KIAA1671: variants seen among roughly 807,000 people sequenced by gnomAD.
KIAA1671 encodes the protein KIAA1671, also known as uncharacterized protein KIAA1671.
A neutral mutation model predicts 131.2 loss-of-function variants in KIAA1671; 52 were observed. That is an observed-to-expected ratio of 0.40 (90% CI 0.32 to 0.50). The LOEUF (loss-of-function observed/expected upper bound fraction) is 0.50, where lower values mean the gene tolerates loss of function less well. Ranked by LOEUF, KIAA1671 falls within the 20% of genes least tolerant of loss-of-function variation. The pLI, the probability that KIAA1671 is intolerant of heterozygous loss-of-function variation, is 0.73. For missense variants in KIAA1671, 2,360 were observed against 2,364.2 expected (o/e 1.00, Z 0.04); for synonymous variants, 1,003 against 961.6 (o/e 1.04, Z -0.80).
Position 24,952,830 on chromosome 22 carries a change from C to G in KIAA1671, c.-208+58C>G, listed in dbSNP as rs1018233598. On this transcript the variant is annotated intron_variant, in intron 1 of 12. Transcript: ENST00000358431. The surrounding 1 kb of genome is among the most constrained non-coding windows in gnomAD (Gnocchi z 4.5). Reference sequence around the variant, plus strand: ...CCGGCTGGCCGCCTCCTGTCCCCGGCCGACGAGGTAGCTGGGGGTGACGGC... The same window carrying G: ...CCGGCTGGCCGCCTCCTGTCCCCGGGCGACGAGGTAGCTGGGGGTGACGGC... 1 of 152,266 alleles carries G rather than the reference C, an allele frequency of 6.6e-6. No homozygotes were observed. The highest frequency in any genetic ancestry group is 2.4e-5 in the African/African-American group (1 of 41,442). 9.4% of individuals were successfully genotyped at this position (152,266 alleles called of 1,614,324 possible). A position where few individuals can be genotyped will look rare whatever the true frequency, so the allele number is the denominator to read the frequency against.
chr22:24,986,904 C>T (rs1923575244), intron 1 of KIAA1671, among the ~76,000 whole-genome samples: 1 of 151,820 alleles, frequency 6.6e-6, no homozygotes, highest in Admixed American at 6.6e-5. Flanking sequence ...CAGCCTAAAG[C>T]AGGGGTCGGC....
chr22:24,979,486 A>G, intron 1 of KIAA1671, among the ~76,000 whole-genome samples: 1 of 151,110 alleles, frequency 6.6e-6, no homozygotes, highest in South Asian at 2.1e-4. Context: ...AGTAGCTGGG[A>G]CTACAGACAC....
chr22:25,022,739 C>T (rs1478368809), intron 1 of KIAA1671: 26 of 152,312 alleles, frequency 1.7e-4, no homozygotes, highest in African/African-American at 6.3e-4. Flanking sequence ...GCCACAGCCT[C>T]CTGACCTTCC....
intron 1 of KIAA1671, among the ~76,000 whole-genome samples, chr22:24,990,733 A>G (rs1385861807): frequency 6.6e-6 from 1 of 151,956 alleles, no homozygotes; most frequent in Non-Finnish European, 1.5e-5. Flanking sequence ...TGGTGACCCT[A>G]CCTTGCGGGT....
Position 25,193,192 on chromosome 22 carries a change from C to T in KIAA1671, c.*791C>T, listed in dbSNP as rs1352480107. The stretch of plus-strand genomic sequence containing the variant: ...TAATTTGTTCTGAAGTATCCAGTCA[C>T]CTCAGGTTATCTTATCCCTATCCAA... On this transcript the variant is annotated 3_prime_UTR_variant, in exon 13 of 13. Coordinates refer to ENST00000358431, the MANE Select transcript of KIAA1671 (RefSeq NM_001145206.2). The T allele has an allele frequency of 1.3e-5, 2 of 152,158 alleles. No individual in the cohort carries two copies. The highest frequency in any genetic ancestry group is 2.9e-5 in the Non-Finnish European group (2 of 68,046). The allele number at this position is 152,158 out of a possible 1,614,324, so 9.4% of individuals were successfully genotyped here.
rs71191028 is a variant in KIAA1671, at chr22:25,093,768, G to GTCTC, written c.4530+44444_4530+44447dup. On this transcript the variant is annotated intron_variant, in intron 6 of 12. Transcript: ENST00000358431. ...TCTCTCTCTCTCTCTCTCTCTCTCT[G>GTCTC]TCTCTCTCTCTCTCTCTCTCTCTCT... 9.0e-3 allele frequency among the ~76,000 whole-genome samples: 544 copies of GTCTC among 60,718 alleles called. 20 individuals are homozygous for GTCTC. The highest frequency in any genetic ancestry group is 0.029 in the East Asian group (69 of 2,352). 39.8% of individuals were successfully genotyped at this position (60,718 alleles called of 152,430 possible).
At chr22:25,079,233 C>CTT (rs67245632) in intron 6 of KIAA1671, among the ~76,000 whole-genome samples, 6 of 146,762 alleles carry the variant, frequency 4.1e-5, no homozygotes, top group South Asian at 2.2e-4. Context: ...CAGGGACTAA[C>CTT]TTTTTTTTTT....
Position 25,093,824 on chromosome 22 carries a change from T to TCTCTCTCTCTC in KIAA1671, c.4530+44460_4530+44461insCTCTCTCTCTC, listed in dbSNP as rs1555877745. Among the ~76,000 whole-genome samples, 12 of 21,918 alleles carry TCTCTCTCTCTC rather than the reference T, an allele frequency of 5.5e-4. 3 individuals carry two copies. The highest frequency in any genetic ancestry group is 0.019 in the Middle Eastern group (1 of 52). The allele number at this position is 21,918 out of a possible 152,430, so 14.4% of individuals were successfully genotyped here. On this transcript the variant is annotated intron_variant, in intron 6 of 12. Transcript: ENST00000358431. ...TCTCTCTCTCTCTGTCTCTCTCTCT[T>TCTCTCTCTCTC]TCTCTCTCTGTCTGTCTCTCTCTCT...
intron 1 of KIAA1671, among the ~76,000 whole-genome samples, chr22:24,991,960 C>G (rs1428322902): frequency 6.6e-6 from 1 of 152,088 alleles, no homozygotes; most frequent in Non-Finnish European, 1.5e-5. Context: ...GGGCTTTGCT[C>G]TGTCCCCTCC....
intron 6 of KIAA1671, among the ~76,000 whole-genome samples, chr22:25,137,482 C>T (rs368488437): frequency 3.3e-5 from 5 of 152,132 alleles, no homozygotes; most frequent in Non-Finnish European, 5.9e-5. Context: ...TCCCTCAGTT[C>T]GGGAGAATTA....
intron 1 of KIAA1671, among the ~76,000 whole-genome samples, chr22:24,953,372 C>T (rs1204559242): frequency 1.3e-5 from 2 of 152,110 alleles, no homozygotes; most frequent in East Asian, 3.9e-4. Context: ...GCGAGCGAGA[C>T]GGAACCCTGG....
intron 1 of KIAA1671, among the ~76,000 whole-genome samples, chr22:25,021,466 C>CTTT (rs75152681): frequency 7.5e-6 from 1 of 133,628 alleles, no homozygotes; most frequent in African/African-American, 2.9e-5. Flanking sequence ...TTGTCCTTAC[C>CTTT]TTTTTTTTTT....
intron 1 of KIAA1671, among the ~76,000 whole-genome samples, chr22:24,982,509 G>C (rs1486318098): frequency 6.6e-6 from 1 of 152,198 alleles, no homozygotes; most frequent in African/African-American, 2.4e-5. Flanking sequence ...TGCAGAGCTA[G>C]GGAATGAGGG....
intron 6 of KIAA1671, among the ~76,000 whole-genome samples, chr22:25,113,040 G>A (rs1024952262): frequency 1.3e-5 from 2 of 152,192 alleles, no homozygotes; most frequent in African/African-American, 4.8e-5. Context: ...GCAGGCTCGG[G>A]AGGGCTTGGA....
At chr22:25,024,893 G>A (rs1373000946) in intron 1 of KIAA1671, among the ~76,000 whole-genome samples, 3 of 151,900 alleles carry the variant, frequency 2.0e-5, no homozygotes, top group African/African-American at 7.3e-5. Context: ...CCAAGCCTCC[G>A]AGTGTATGTG....
intron 1 of KIAA1671, among the ~76,000 whole-genome samples, chr22:25,015,505 A>G (rs369165867): frequency 6.6e-6 from 1 of 152,202 alleles, no homozygotes; most frequent in Admixed American, 6.5e-5. Context: ...GAGGTTAAGC[A>G]GAGGGGTAAA....
chr22:25,073,701 G>A (rs1206458054), intron 6 of KIAA1671, among the ~76,000 whole-genome samples: 1 of 152,118 alleles, frequency 6.6e-6, no homozygotes, highest in Non-Finnish European at 1.5e-5. Context: ...GCCCCATTCT[G>A]GGTTTGTTTG....
intron 1 of KIAA1671, among the ~76,000 whole-genome samples, chr22:24,962,203 A>G (rs1407243934): frequency 6.6e-6 from 1 of 152,136 alleles, no homozygotes; most frequent in Non-Finnish European, 1.5e-5. Flanking sequence ...TGAGACTGGG[A>G]GGGATAGGCC....
chr22:24,994,920 TC>T (rs1924031731), intron 1 of KIAA1671, among the ~76,000 whole-genome samples: 1 of 151,966 alleles, frequency 6.6e-6, no homozygotes, highest in Non-Finnish European at 1.5e-5. Context: ...GTCCACTCTA[TC>T]CCCTTGGGAT....
Sources: gnomAD v4.1 joint callset for allele counts (sites outside exome capture counted in the v4.1 genomes callset) on GRCh38, gnomAD v4.1.1 for gene constraint, Gnocchi (gnomAD v3.1) non-coding constraint, MANE v1.5 for transcripts, NCBI Gene and HGNC (gene_info 2026-07-23, HGNC 2026-07-21) for gene names.